The following RAD51C variants were observed in gnomAD, a reference collection of about 807,000 sequenced individuals.
The protein encoded by RAD51C is RAD51 paralog C.
RAD51C carries 42 observed loss-of-function variants against 45.0 expected under a neutral mutation model. The ratio of observed to expected loss-of-function variants is 0.93; its 90% CI spans 0.73 to 1.21. The LOEUF (loss-of-function observed/expected upper bound fraction) is 1.21. Among genes scored for constraint, RAD51C ranks in the 50% most tolerant of loss-of-function variants. The probability of loss-of-function intolerance (pLI) is 0.00; values close to 1 mark genes in which losing one functional copy is unlikely to be tolerated. For missense variants in RAD51C, 474 were observed against 452.2 expected (o/e 1.05, Z -0.44); for synonymous variants, 172 against 159.8 (o/e 1.08, Z -0.58).
intron 8 of RAD51C, among the ~76,000 whole-genome samples, chr17:58,733,286 G>T (rs1011233869): frequency 2.6e-5 from 4 of 152,002 alleles, no homozygotes; most frequent in African/African-American, 9.7e-5. Flanking sequence ...AAAATTCTGG[G>T]ATTACAGGCG....
rs876659626 is a variant in RAD51C at position 58,695,148 on chromosome 17, A to G, written c.363A>G (p.Thr121=). The change falls in exon 2 of 9, where the codon ACA becomes ACG. Residue 121 remains threonine, a synonymous_variant. Transcript: ENST00000337432. The part of the protein sequence containing the change: ...LGGGVPLMKT[T]EICGAPGVGK... Reference sequence around the variant, plus strand: ...GTGGAGTGCCCTTAATGAAAACAACAGAAATTTGTGGTGCACCAGGTGTTG... The same window carrying G: ...GTGGAGTGCCCTTAATGAAAACAACGGAAATTTGTGGTGCACCAGGTGTTG... 1 of 1,613,698 alleles carries G rather than the reference A, an allele frequency of 6.2e-7. No homozygotes were observed. The highest frequency in any genetic ancestry group is 1.3e-5 in the African/African-American group (1 of 74,930).
chr17:58,706,193 C>G (rs2048373410), intron 4 of RAD51C, among the ~76,000 whole-genome samples: 2 of 152,112 alleles, frequency 1.3e-5, no homozygotes, highest in African/African-American at 2.4e-5. Flanking sequence ...CTTTGGGAGG[C>G]TGAGGCAGGC....
At chr17:58,718,532 C>T (rs1347358017) in intron 5 of RAD51C, among the ~76,000 whole-genome samples, 2 of 152,104 alleles carry the variant, frequency 1.3e-5, no homozygotes, top group Non-Finnish European at 2.9e-5. Context: ...GTTTTCCCTG[C>T]TTTATTTAAA....
chr17:58,729,923 T>C (rs1288873566), intron 7 of RAD51C, among the ~76,000 whole-genome samples: 1 of 152,104 alleles, frequency 6.6e-6, no homozygotes, highest in African/African-American at 2.4e-5. Flanking sequence ...CTTTTCACTT[T>C]TTAATAATTT....
Position 58,734,588 on chromosome 17 carries a change from G to GTT in RAD51C, c.*388_*389dup, listed in dbSNP as rs34517797. 1,612 of 102,076 alleles carry GTT rather than the reference G, an allele frequency of 0.016. 4 individuals are homozygous for GTT. Among genetic ancestry groups the GTT allele is most frequent in the African/African-American group, 0.03 (612 of 20,384 alleles). The allele number at this position is 102,076 out of a possible 1,614,324, so 6.3% of individuals were successfully genotyped here. On this transcript the variant is annotated 3_prime_UTR_variant, in exon 9 of 9. Transcript: ENST00000337432. ...AAGAAACATATCATATTCTTATTGTGTTTTTTTTTTTTTTTTTTTTTTTGG... is the reference window on the plus strand; with the variant it reads ...AAGAAACATATCATATTCTTATTGTGTTTTTTTTTTTTTTTTTTTTTTTTTGG...
chr17:58,698,905 A>G (rs1282576587), intron 3 of RAD51C, among the ~76,000 whole-genome samples: 2 of 151,022 alleles, frequency 1.3e-5, no homozygotes, highest in Non-Finnish European at 2.9e-5. Flanking sequence ...CTGGGCGACA[A>G]AAGTGAAACT....
chr17:58,710,942 A>G (rs1193991728), intron 5 of RAD51C, among the ~76,000 whole-genome samples: 1 of 152,154 alleles, frequency 6.6e-6, no homozygotes, highest in Non-Finnish European at 1.5e-5. Flanking sequence ...CTTTGTCTTT[A>G]CCTTAATTAG....
intron 5 of RAD51C, among the ~76,000 whole-genome samples, chr17:58,711,890 C>T (rs2048569235): frequency 6.6e-6 from 1 of 151,868 alleles, no homozygotes; most frequent in African/African-American, 2.4e-5. Flanking sequence ...ACATGTATGG[C>T]TTTTGATAAT....
At chr17:58,721,862 G>T (rs1165951294) in intron 6 of RAD51C, among the ~76,000 whole-genome samples, 1 of 152,106 alleles carries the variant, frequency 6.6e-6, no homozygotes, top group Non-Finnish European at 1.5e-5. Context: ...AAAGTACAGG[G>T]TACTGTACAA....
At chr17:58,704,366 G>T (rs989942763) in intron 4 of RAD51C, among the ~76,000 whole-genome samples, 1 of 151,812 alleles carries the variant, frequency 6.6e-6, no homozygotes, top group Non-Finnish European at 1.5e-5. Context: ...TCTGCTTCCC[G>T]GGTTAAGGCA....
chr17:58,700,848 A>G (rs1212012356), intron 3 of RAD51C, among the ~76,000 whole-genome samples: 2 of 152,172 alleles, frequency 1.3e-5, no homozygotes, highest in Admixed American at 6.5e-5. Context: ...TTTAAAATAT[A>G]GCTTCTTGTT....
At chr17:58,699,236 G>C (rs745814623) in intron 3 of RAD51C, among the ~76,000 whole-genome samples, 1 of 151,994 alleles carries the variant, frequency 6.6e-6, no homozygotes, top group African/African-American at 2.4e-5. Flanking sequence ...TCGAACTCCT[G>C]ACCTTGTGAT....
At chr17:58,726,764 G>A (rs1380310787) in intron 7 of RAD51C, among the ~76,000 whole-genome samples, 1 of 152,006 alleles carries the variant, frequency 6.6e-6, no homozygotes. Flanking sequence ...GCACATTCAG[G>A]GTGGTATGGC....
chr17:58,728,022 C>A (rs2049238061), intron 7 of RAD51C, among the ~76,000 whole-genome samples: 1 of 151,398 alleles, frequency 6.6e-6, no homozygotes, highest in African/African-American at 2.4e-5. Flanking sequence ...GCAGGTGGAT[C>A]ACCTGAGGTT....
intron 5 of RAD51C, among the ~76,000 whole-genome samples, chr17:58,717,836 G>C (rs914492383): frequency 6.6e-6 from 1 of 152,188 alleles, no homozygotes; most frequent in Non-Finnish European, 1.5e-5. Flanking sequence ...ATGCCCTGTG[G>C]CATGTAAGGG....
At chr17:58,730,233 C>T (rs1456571910) in intron 7 of RAD51C, among the ~76,000 whole-genome samples, 1 of 148,178 alleles carries the variant, frequency 6.7e-6, no homozygotes, top group Non-Finnish European at 1.5e-5. Context: ...GGCACGATCT[C>T]GGCTCACTGC....
chr17:58,722,386 C>T (rs1482401908), intron 6 of RAD51C, among the ~76,000 whole-genome samples: 1 of 152,172 alleles, frequency 6.6e-6, no homozygotes, highest in East Asian at 1.9e-4. Context: ...CTCTTCAGTA[C>T]AGTAGCCCTT....
intron 7 of RAD51C, among the ~76,000 whole-genome samples, chr17:58,729,447 G>A (rs2049319566): frequency 6.6e-6 from 1 of 151,890 alleles, no homozygotes; most frequent in African/African-American, 2.4e-5. Context: ...TCGAATTCTC[G>A]ACCTCAGGTG....
intron 6 of RAD51C, 46 bp from the exon 7 acceptor site, chr17:58,723,994 C>G (rs2049017642): frequency 6.7e-7 from 1 of 1,498,122 alleles, no homozygotes; most frequent in Non-Finnish European, 9.3e-7. Flanking sequence ...AAATGTATAA[C>G]CAAGTCAGTA....
Sources: gnomAD v4.1 joint callset for allele counts (sites outside exome capture counted in the v4.1 genomes callset) on GRCh38, gnomAD v4.1.1 for gene constraint, MANE v1.5 for transcripts, NCBI Gene and HGNC (gene_info 2026-07-23, HGNC 2026-07-21) for gene names.